Variants in INSR observed in about 807,000 individuals in gnomAD.
The protein encoded by INSR is insulin receptor.
INSR carries 67 observed loss-of-function variants against 142.6 expected under a neutral mutation model. That is an observed-to-expected ratio of 0.47 (90% CI 0.39 to 0.58). The LOEUF is 0.58. Among genes scored for constraint, INSR ranks in the 20% least tolerant of loss-of-function variants. The probability of loss-of-function intolerance (pLI) is 0.00; values close to 1 mark genes in which losing one functional copy is unlikely to be tolerated. For missense variants in INSR, 1,248 were observed against 1,833.2 expected (o/e 0.68, Z 5.83); for synonymous variants, 756 against 743.1 (o/e 1.02, Z -0.28).
At chr19:7,201,042 C>T (rs1974939676) in intron 2 of INSR, among the ~76,000 whole-genome samples, 1 of 151,960 alleles carries the variant, frequency 6.6e-6, no homozygotes, top group Non-Finnish European at 1.5e-5. Context: ...TTCATGTAGG[C>T]AATACACATT....
intron 2 of INSR, among the ~76,000 whole-genome samples, chr19:7,257,789 A>C (rs181079363): frequency 1.3e-4 from 20 of 152,192 alleles, no homozygotes; most frequent in African/African-American, 3.9e-4. Flanking sequence ...GGTGCTCCCA[A>C]GTCCCACTGA....
intron 2 of INSR, among the ~76,000 whole-genome samples, chr19:7,205,259 T>G (rs1975077677): frequency 6.6e-6 from 1 of 152,198 alleles, no homozygotes; most frequent in South Asian, 2.1e-4. Flanking sequence ...GAGAAATCTT[T>G]AGCACTGGGC....
At chr19:7,127,063 T>C (rs1361367813) in intron 15 of INSR, among the ~76,000 whole-genome samples, 1 of 152,178 alleles carries the variant, frequency 6.6e-6, no homozygotes, top group East Asian at 1.9e-4. Flanking sequence ...CACACCTGGC[T>C]AATTTGTAAA....
At chr19:7,239,749 A>G (rs1976281915) in intron 2 of INSR, among the ~76,000 whole-genome samples, 1 of 152,172 alleles carries the variant, frequency 6.6e-6, no homozygotes, top group East Asian at 1.9e-4. Flanking sequence ...CATACAAGAT[A>G]CTATGTAGCA....
At position 7,240,448 on chromosome 19, in the gene INSR, G is replaced by A. The variant is rs60605393; in HGVS notation, c.652+26897C>T. Among the ~76,000 whole-genome samples the A allele has an allele frequency of 9.9e-3, 1,503 of 152,210 alleles. 28 individuals are homozygous for A. Among genetic ancestry groups the A allele is most frequent in the African/African-American group, 0.034 (1,416 of 41,532 alleles). ...AATACATAAATTAGCCAGGCGTGGTGGTGCACACCTGTAATCTGAGCCACT... is the reference window on the plus strand; with the variant it reads ...AATACATAAATTAGCCAGGCGTGGTAGTGCACACCTGTAATCTGAGCCACT... On this transcript the variant is annotated intron_variant, in intron 2 of 21. Coordinates refer to ENST00000302850, the MANE Select transcript of INSR (RefSeq NM_000208.4).
chr19:7,157,116 G>T (rs867608231), intron 9 of INSR, among the ~76,000 whole-genome samples: 4 of 152,214 alleles, frequency 2.6e-5, no homozygotes, highest in African/African-American at 9.6e-5. Context: ...AAGTAGCTGG[G>T]ACTACAGGCG....
intron 2 of INSR, among the ~76,000 whole-genome samples, chr19:7,203,230 A>C (rs554011185): frequency 6.6e-6 from 1 of 152,072 alleles, no homozygotes; most frequent in Admixed American, 6.6e-5. Context: ...TGCTCTCTAC[A>C]GTTTAATTCT....
At chr19:7,122,085 T>C (rs1316046495) in intron 19 of INSR, among the ~76,000 whole-genome samples, 1 of 147,706 alleles carries the variant, frequency 6.8e-6, no homozygotes, top group African/African-American at 2.5e-5. Context: ...GGAGGTTCAG[T>C]GAGCCGAGAT....
intron 13 of INSR, among the ~76,000 whole-genome samples, chr19:7,136,848 T>TATATATATATATA (rs71177159): frequency 2.8e-5 from 4 of 143,078 alleles, no homozygotes; most frequent in African/African-American, 7.9e-5. Flanking sequence ...TATATATATA[T>TATATATATATATA]TGAGATGGTG....
chr19:7,170,556 G>T lies in INSR; in HGVS notation c.1464C>A (p.Thr488=). The T allele has an allele frequency of 6.2e-7, 1 of 1,612,804 alleles. No individual in the cohort carries two copies. Among genetic ancestry groups the T allele is most frequent in the Non-Finnish European group, 8.5e-7 (1 of 1,179,712 alleles). The change falls in exon 6 of 22, where the codon ACC becomes ACA. Residue 488 remains threonine, a synonymous_variant. Coordinates refer to ENST00000302850, the MANE Select transcript of INSR (RefSeq NM_000208.4). ...ACTTACAGGATGCCTGGTCCCCATTGGTCTTCAGGGCAATGTCGTTTCTCT... is the reference window on the plus strand; with the variant it reads ...ACTTACAGGATGCCTGGTCCCCATTTGTCTTCAGGGCAATGTCGTTTCTCT... ...RQERNDIALK[T]NGDQASCENE...
intron 2 of INSR, among the ~76,000 whole-genome samples, chr19:7,249,483 C>T (rs374260540): frequency 1.6e-4 from 24 of 152,104 alleles, no homozygotes; most frequent in Admixed American, 3.3e-4. Context: ...ACCGTTTTAC[C>T]GCAGAACCGA....
At position 7,267,508 on chromosome 19, in the gene INSR, G is replaced by C; in HGVS notation, c.489C>G (p.Ile163Met). ...TGTAATTATCCTCCACGGAATCCAGGATACGGGACCAGTCGATAGTGGCCA... is the reference window on the plus strand; with the variant it reads ...TGTAATTATCCTCCACGGAATCCAGCATACGGGACCAGTCGATAGTGGCCA... ...CYLATIDWSR[I>M]LDSVEDNYIV... is the part of the protein sequence containing the mutation. The change falls in exon 2 of 22, where the codon ATC becomes ATG. Residue 163 changes from isoleucine (I) to methionine (M), a missense_variant. Ile to Met is a conservative substitution (Grantham distance 10, BLOSUM62 1). This residue lies in a region of INSR where 1,069 missense variants were observed against 1,654.0 expected (regional missense o/e 0.65). Coordinates refer to ENST00000302850, the MANE Select transcript of INSR (RefSeq NM_000208.4). The surrounding 1 kb of genome is among the most constrained non-coding windows in gnomAD (Gnocchi z 6.3). 1 of 1,614,084 alleles carries C rather than the reference G, an allele frequency of 6.2e-7. No homozygotes were observed. Among genetic ancestry groups the C allele is most frequent in the Non-Finnish European group, 8.5e-7 (1 of 1,180,024 alleles).
chr19:7,187,849 A>G (rs34194998), intron 2 of INSR, among the ~76,000 whole-genome samples: 43,856 of 151,772 alleles, frequency 0.29, 6,498 homozygotes, highest in South Asian at 0.39. Context: ...TGAGATTACA[A>G]GTATGAGCCA....
At chr19:7,203,810 A>G (rs964966872) in intron 2 of INSR, among the ~76,000 whole-genome samples, 8 of 117,948 alleles carry the variant, frequency 6.8e-5, no homozygotes, top group South Asian at 2.6e-4. Context: ...CCATCGTGAC[A>G]AAAGGGAGAC....
chr19:7,278,643 G>A (rs947046314), intron 1 of INSR, among the ~76,000 whole-genome samples: 7 of 152,122 alleles, frequency 4.6e-5, no homozygotes, highest in Non-Finnish European at 7.4e-5. Context: ...TGGATCACCT[G>A]AGGTCAGGAG....
At chr19:7,185,864 G>A (rs1267544233) in intron 2 of INSR, among the ~76,000 whole-genome samples, 557 of 53,354 alleles carry the variant, frequency 0.01, no homozygotes, top group African/African-American at 0.016. Context: ...AAAAAAGAGA[G>A]AGAGAGACAA....
intron 1 of INSR, 71 bp downstream of exon 1, chr19:7,293,721 C>A: frequency 8.2e-7 from 1 of 1,219,946 alleles, no homozygotes; most frequent in South Asian, 2.6e-5. Flanking sequence ...AGCGGGGGCT[C>A]GATTTTGGCT....
intron 2 of INSR, among the ~76,000 whole-genome samples, chr19:7,211,615 C>G (rs1327477595): frequency 6.6e-6 from 1 of 152,074 alleles, no homozygotes; most frequent in Non-Finnish European, 1.5e-5. Context: ...ATCAATGACC[C>G]CTCAGGAACC....
At chr19:7,249,788 C>A (rs558779800) in intron 2 of INSR, among the ~76,000 whole-genome samples, 6 of 152,056 alleles carry the variant, frequency 3.9e-5, no homozygotes, top group South Asian at 2.1e-4. Flanking sequence ...GTCAGGAGAT[C>A]GAGACCATCC....
Sources: gnomAD v4.1 joint callset for allele counts (sites outside exome capture counted in the v4.1 genomes callset) on GRCh38, gnomAD v4.1.1 for gene constraint, gnomAD v4.1.1 regional missense constraint, Gnocchi (gnomAD v3.1) non-coding constraint, MANE v1.5 for transcripts, NCBI Gene and HGNC (gene_info 2026-07-23, HGNC 2026-07-21) for gene names.